KCNMB2: variants seen among roughly 807,000 people sequenced by gnomAD.
KCNMB2 encodes the protein calcium-activated potassium channel subunit beta-2.
Under a neutral mutation model 24.5 loss-of-function variants are expected in KCNMB2, and 9 were observed. The observed-to-expected ratio is 0.37, with a 90% CI of 0.22 to 0.64. The LOEUF is 0.64. Ranked by LOEUF, KCNMB2 falls within the 30% of genes least tolerant of loss-of-function variation. KCNMB2 has a pLI of 0.63. For missense variants in KCNMB2, 226 were observed against 284.3 expected, an observed-to-expected ratio of 0.79 and a Z score of 1.47; for synonymous variants, 109 against 104.4, an observed-to-expected ratio of 1.04 and a Z score of -0.27.
chr3:178,722,424 T>C (rs1722836789), intron 1 of KCNMB2, among the ~76,000 whole-genome samples: 1 of 152,216 alleles, frequency 6.6e-6, no homozygotes. Flanking sequence ...ACAGGCCTTC[T>C]TGCTGCATCA....
intron 1 of KCNMB2, among the ~76,000 whole-genome samples, chr3:178,744,137 T>C (rs935039655): frequency 6.6e-6 from 1 of 152,200 alleles, no homozygotes; most frequent in Non-Finnish European, 1.5e-5. Flanking sequence ...GAAATACACA[T>C]AATATTGTAA....
intron 1 of KCNMB2, among the ~76,000 whole-genome samples, chr3:178,756,436 G>T (rs893113462): frequency 6.6e-6 from 1 of 152,002 alleles, no homozygotes; most frequent in South Asian, 2.1e-4. Context: ...ACAAAACCTT[G>T]TTTTATGTGT....
intron 2 of KCNMB2, among the ~76,000 whole-genome samples, chr3:178,811,077 C>T (rs1028036018): frequency 1.3e-5 from 2 of 152,082 alleles, no homozygotes; most frequent in Admixed American, 6.6e-5. Context: ...AAGCAGCAAA[C>T]AAACAGAATA....
chr3:178,576,845 A>G lies in KCNMB2; in HGVS notation c.-68+40134A>G, dbSNP rs1032671674. On this transcript the variant is annotated intron_variant, in intron 1 of 4. Coordinates refer to ENST00000452583, the MANE Select transcript of KCNMB2 (RefSeq NM_181361.3). ...TGAAAGAAAGGCAGCAGCCCCAGAC[A>G]GGGGCTTATACCTAAAACTCCCGTT... Among the ~76,000 whole-genome samples the G allele has an allele frequency of 2.6e-5, 4 of 152,206 alleles. No individual in the cohort carries two copies. In the South Asian group the frequency reaches 6.2e-4, roughly 24 times the overall value.
intron 1 of KCNMB2, among the ~76,000 whole-genome samples, chr3:178,705,084 A>T (rs1722233520): frequency 6.6e-6 from 1 of 151,852 alleles, no homozygotes; most frequent in Non-Finnish European, 1.5e-5. Context: ...TCTCCCATAA[A>T]TCCATGGTTC....
chr3:178,824,274 A>G (rs935876553), intron 2 of KCNMB2, among the ~76,000 whole-genome samples: 18 of 152,344 alleles, frequency 1.2e-4, no homozygotes, highest in African/African-American at 3.8e-4. Context: ...GTAGAATAGT[A>G]GCAATTTTAG....
intron 1 of KCNMB2, among the ~76,000 whole-genome samples, chr3:178,747,740 A>G (rs566594184): frequency 2.0e-5 from 3 of 152,308 alleles, no homozygotes; most frequent in African/African-American, 7.2e-5. Flanking sequence ...AAATGATCCT[A>G]ACTTCGGCTC....
chr3:178,818,477 A>G (rs1267649251), intron 2 of KCNMB2, among the ~76,000 whole-genome samples: 1 of 151,952 alleles, frequency 6.6e-6, no homozygotes, highest in East Asian at 1.9e-4. Flanking sequence ...CCCTGTGTCC[A>G]CGTGTTCTCA....
At chr3:178,576,334 T>C (rs1300213368) in intron 1 of KCNMB2, among the ~76,000 whole-genome samples, 4 of 152,040 alleles carry the variant, frequency 2.6e-5, no homozygotes, top group Non-Finnish European at 4.4e-5. Context: ...TTTCCCATGG[T>C]CTTTGCAACC....
intron 2 of KCNMB2, 30 bp downstream of exon 2, chr3:178,807,495 C>A: frequency 6.3e-7 from 1 of 1,591,056 alleles, no homozygotes; most frequent in Non-Finnish European, 8.6e-7. Context: ...GGGCACTTTT[C>A]AGAAGCATTT....
intron 1 of KCNMB2, among the ~76,000 whole-genome samples, chr3:178,548,847 A>G (rs1715854841): frequency 6.6e-6 from 1 of 152,228 alleles, no homozygotes; most frequent in Non-Finnish European, 1.5e-5. Context: ...GACAGGAACT[A>G]TATTTTATGA....
At chr3:178,804,525 C>T (rs1472135177) in intron 1 of KCNMB2, among the ~76,000 whole-genome samples, 1 of 152,158 alleles carries the variant, frequency 6.6e-6, no homozygotes, top group Admixed American at 6.5e-5. Flanking sequence ...TAAGTCCTTT[C>T]CAACAAGATT....
At chr3:178,580,204 A>C (rs550496350) in intron 1 of KCNMB2, among the ~76,000 whole-genome samples, 10 of 152,332 alleles carry the variant, frequency 6.6e-5, no homozygotes, top group African/African-American at 1.9e-4. Context: ...CCTGGGATGC[A>C]AGGTTGGTTC....
chr3:178,841,148 T>C (rs1715412622), intron 4 of KCNMB2, among the ~76,000 whole-genome samples: 1 of 152,248 alleles, frequency 6.6e-6, no homozygotes, highest in Admixed American at 6.5e-5. Context: ...CACATATTTC[T>C]ATGGCAGGGA....
chr3:178,590,679 T>G (rs1378314666), intron 1 of KCNMB2, among the ~76,000 whole-genome samples: 1 of 152,200 alleles, frequency 6.6e-6, no homozygotes, highest in Non-Finnish European at 1.5e-5. Context: ...TTGAAATTAA[T>G]GCACAGAACA....
At chr3:178,751,149 AT>A (rs1366894386) in intron 1 of KCNMB2, among the ~76,000 whole-genome samples, 1 of 152,174 alleles carries the variant, frequency 6.6e-6, no homozygotes, top group Non-Finnish European at 1.5e-5. Flanking sequence ...ATACTTATCT[AT>A]TGATGTTATG....
At chr3:178,541,536 G>C (rs1416594534) in intron 1 of KCNMB2, among the ~76,000 whole-genome samples, 1 of 152,146 alleles carries the variant, frequency 6.6e-6, no homozygotes, top group Non-Finnish European at 1.5e-5. Flanking sequence ...CTGTTAAACA[G>C]TGACCTCTCT....
At chr3:178,649,281 C>T (rs1577071512) in intron 1 of KCNMB2, among the ~76,000 whole-genome samples, 3 of 152,248 alleles carry the variant, frequency 2.0e-5, no homozygotes, top group Non-Finnish European at 4.4e-5. Flanking sequence ...TTCTTCTCCA[C>T]ATAAAAACTA....
chr3:178,590,650 T>C (rs928041305), intron 1 of KCNMB2, among the ~76,000 whole-genome samples: 3 of 152,206 alleles, frequency 2.0e-5, no homozygotes, highest in Non-Finnish European at 2.9e-5. Context: ...TAGGCACTAC[T>C]AGTATCTCTT....
Sources: gnomAD v4.1 joint callset for allele counts (sites outside exome capture counted in the v4.1 genomes callset) on GRCh38, gnomAD v4.1.1 for gene constraint, MANE v1.5 for transcripts, NCBI Gene and HGNC (gene_info 2026-07-23, HGNC 2026-07-21) for gene names.